CAST: variants seen among roughly 807,000 people sequenced by gnomAD.
CAST encodes MIR583 host.
In CAST, 76 loss-of-function variants were observed where a neutral mutation model predicts 119.6. The observed-to-expected ratio is 0.64, with a 90% CI of 0.53 to 0.77. The LOEUF (loss-of-function observed/expected upper bound fraction) is 0.77, where lower values mean the gene tolerates loss of function less well. Among genes scored for constraint, CAST ranks in the 30% least tolerant of loss-of-function variants. The pLI is 0.00. For missense variants in CAST, 953 were observed against 946.5 expected, an observed-to-expected ratio of 1.01 and a Z score of -0.09; for synonymous variants, 319 against 331.6, an observed-to-expected ratio of 0.96 and a Z score of 0.41.
At chr5:95,981,576 C>T in the CAST span, among the ~76,000 whole-genome samples, 1 of 152,138 alleles carries the variant, frequency 6.6e-6, no homozygotes, top group African/African-American at 2.4e-5. Flanking sequence ...ACCACCTATC[C>T]CTTAAAAAGC....
chr5:96,632,818 C>A (rs1426057006), intron 1 of CAST, among the ~76,000 whole-genome samples: 1 of 152,152 alleles, frequency 6.6e-6, no homozygotes, highest in Non-Finnish European at 1.5e-5. Flanking sequence ...CAGTAGCACG[C>A]TGTATTGATA....
chr5:96,765,347 A>G (rs1368715953), intron 26 of CAST, 22 bp downstream of exon 26: 1 of 994,614 alleles, frequency 1.0e-6, no homozygotes, highest in Non-Finnish European at 1.4e-6. Flanking sequence ...AAAAAAAAAA[A>G]AAAAAATTCA....
the CAST span, among the ~76,000 whole-genome samples, chr5:96,336,374 A>G: frequency 1.3e-5 from 2 of 152,218 alleles, no homozygotes; most frequent in African/African-American, 2.4e-5. Context: ...TTAGGGAGAG[A>G]GGGAAAAAGA....
chr5:96,573,792 T>A (rs1224565462), intron 1 of CAST, among the ~76,000 whole-genome samples: 1 of 152,226 alleles, frequency 6.6e-6, no homozygotes, highest in Admixed American at 6.5e-5. Flanking sequence ...TCCAACTTTC[T>A]CAAACAACCA....
intron 1 of CAST, among the ~76,000 whole-genome samples, chr5:96,576,777 T>C (rs899791570): frequency 6.6e-6 from 1 of 152,176 alleles, no homozygotes; most frequent in Non-Finnish European, 1.5e-5. Flanking sequence ...TGTTTTCGTT[T>C]TTGTTTTTTC....
At chr5:96,626,930 CA>C (rs1393312160) in intron 1 of CAST, among the ~76,000 whole-genome samples, 1 of 152,156 alleles carries the variant, frequency 6.6e-6, no homozygotes, top group East Asian at 1.9e-4. Flanking sequence ...CTTTGCTACA[CA>C]ATTTTCAGTA....
chr5:96,514,258 A>T, the CAST span, among the ~76,000 whole-genome samples: 1 of 152,174 alleles, frequency 6.6e-6, no homozygotes, highest in Non-Finnish European at 1.5e-5. Flanking sequence ...ATTAGTTAAC[A>T]TTACGTAGGA....
At chr5:96,670,854 CTGTG>C (rs1202115317) in intron 1 of CAST, among the ~76,000 whole-genome samples, 2 of 152,212 alleles carry the variant, frequency 1.3e-5, no homozygotes, top group African/African-American at 2.4e-5. Flanking sequence ...GTCTATGTAT[CTGTG>C]TGTATCTGGG....
At chr5:96,634,972 G>A (rs897943136) in intron 1 of CAST, among the ~76,000 whole-genome samples, 8 of 152,184 alleles carry the variant, frequency 5.3e-5, no homozygotes, top group African/African-American at 1.7e-4. Flanking sequence ...CACAAACAAC[G>A]TAATTCAGCA....
At chr5:96,339,090 C>T in the CAST span, among the ~76,000 whole-genome samples, 1 of 152,034 alleles carries the variant, frequency 6.6e-6, no homozygotes, top group Non-Finnish European at 1.5e-5. Flanking sequence ...AATGAGGGGC[C>T]AGGTCTCCAG....
chr5:96,057,675 G>A, the CAST span, among the ~76,000 whole-genome samples: 1 of 152,132 alleles, frequency 6.6e-6, no homozygotes, highest in Admixed American at 6.5e-5. Context: ...TAGTGACACT[G>A]TATTTCTATT....
the CAST span, among the ~76,000 whole-genome samples, chr5:96,266,636 A>G: frequency 6.6e-6 from 1 of 152,224 alleles, no homozygotes; most frequent in Non-Finnish European, 1.5e-5. Flanking sequence ...AGAAACCTAA[A>G]GAAAAAAAGA....
At chr5:96,703,984 G>A (rs1030154842) in intron 3 of CAST, among the ~76,000 whole-genome samples, 3 of 152,174 alleles carry the variant, frequency 2.0e-5, no homozygotes, top group South Asian at 2.1e-4. Flanking sequence ...GCTGGGGAGG[G>A]TGTGCTGCTT....
chr5:96,204,602 C>T, the CAST span, among the ~76,000 whole-genome samples: 1 of 152,040 alleles, frequency 6.6e-6, no homozygotes, highest in East Asian at 1.9e-4. Context: ...TCCAGGACAT[C>T]CTCTAGCCCT....
chr5:96,435,842 G>A, the CAST span, among the ~76,000 whole-genome samples: 1 of 152,104 alleles, frequency 6.6e-6, no homozygotes, highest in Non-Finnish European at 1.5e-5. Context: ...ATGCTCAAAG[G>A]AGATCTATAG....
the CAST span, among the ~76,000 whole-genome samples, chr5:96,424,729 A>T: frequency 1.3e-5 from 2 of 152,084 alleles, no homozygotes; most frequent in African/African-American, 4.8e-5. Flanking sequence ...TTGGGAGGCC[A>T]AGGCGGGTGG....
the CAST span, among the ~76,000 whole-genome samples, chr5:96,067,863 G>A: frequency 2.0e-5 from 3 of 150,492 alleles, no homozygotes; most frequent in Admixed American, 2.0e-4. Flanking sequence ...ACATTTTATA[G>A]TTTTCCCTTA....
At chr5:96,534,755 A>AAAG (rs1561408932) in intron 1 of CAST, among the ~76,000 whole-genome samples, 1,063 of 39,198 alleles carry the variant, frequency 0.027, 125 homozygotes, top group Non-Finnish European at 0.036. Flanking sequence ...GAAAGAAAGA[A>AAAG]AGAAAGAAAG....
chr5:96,623,355 T>G (rs978266246), intron 1 of CAST, among the ~76,000 whole-genome samples: 1 of 152,188 alleles, frequency 6.6e-6, no homozygotes, highest in South Asian at 2.1e-4. Context: ...GGCATGAGCA[T>G]GGAGCCCTTG....
Sources: allele counts gnomAD v4.1 joint callset (sites outside exome capture counted in the v4.1 genomes callset), GRCh38; gene constraint gnomAD v4.1.1; transcripts MANE v1.5; gene names NCBI Gene and HGNC (gene_info 2026-07-23, HGNC 2026-07-21).